Variants in RGS8 observed in about 807,000 individuals in gnomAD.
The protein encoded by RGS8 is regulator of G protein signaling 8, also known as regulator of G-protein signaling 8.
A neutral mutation model predicts 21.7 loss-of-function variants in RGS8; 8 were observed. That is an observed-to-expected ratio of 0.37 (90% CI 0.22 to 0.66). RGS8 has a LOEUF of 0.66. RGS8 is among the 30% of genes least tolerant of loss of function. RGS8 has a pLI of 0.59. For synonymous variants in RGS8, 80 were observed against 83.6 expected (o/e 0.96, Z 0.24); for missense variants, 157 against 217.9 (o/e 0.72, Z 1.76).
chr1:182,746,130 G>C, the RGS8 span, among the ~76,000 whole-genome samples: 1 of 152,040 alleles, frequency 6.6e-6, no homozygotes, highest in Admixed American at 6.6e-5. Context: ...AAAGCCCCCA[G>C]GCCATCTTAC....
chr1:182,674,772 A>G (rs1477516804), upstream of RGS8, among the ~76,000 whole-genome samples: 1 of 152,134 alleles, frequency 6.6e-6, no homozygotes, highest in African/African-American at 2.4e-5. Flanking sequence ...AGGAATGTAG[A>G]GCTCTGGGTT....
the RGS8 span, among the ~76,000 whole-genome samples, chr1:182,729,170 T>G: frequency 1.3e-5 from 2 of 152,246 alleles, no homozygotes; most frequent in Non-Finnish European, 2.9e-5. Flanking sequence ...GTATTAGAGA[T>G]ATTCTTTTCT....
chr1:182,673,548 G>C (rs191251617), upstream of RGS8, among the ~76,000 whole-genome samples: 208 of 152,240 alleles, frequency 1.4e-3, 2 homozygotes, highest in African/African-American at 4.9e-3. Flanking sequence ...CTCATTGTCT[G>C]TTGATAAGAT....
chr1:182,678,118 C>CT (rs1444853528), intron 1 of RGS8, among the ~76,000 whole-genome samples: 1 of 152,006 alleles, frequency 6.6e-6, no homozygotes, highest in African/African-American at 2.4e-5. Flanking sequence ...GATATTGAGG[C>CT]TTTTTTAAGA....
chr1:182,723,539 A>G, the RGS8 span, among the ~76,000 whole-genome samples: 15 of 152,214 alleles, frequency 9.9e-5, no homozygotes, highest in Non-Finnish European at 2.1e-4. Flanking sequence ...AAAATGGAAG[A>G]GAGTGCTTAA....
At chr1:182,647,836 T>A (rs921836582) in intron 6 of RGS8, among the ~76,000 whole-genome samples, 3 of 152,218 alleles carry the variant, frequency 2.0e-5, no homozygotes, top group Admixed American at 2.0e-4. Context: ...CTGCTTTCCA[T>A]CAGGAAAATG....
At chr1:182,724,205 T>G in the RGS8 span, among the ~76,000 whole-genome samples, 31 of 50,226 alleles carry the variant, frequency 6.2e-4, no homozygotes, top group South Asian at 1.6e-3. Flanking sequence ...AGACTGGATA[T>G]ATATATATAT....
upstream of RGS8, chr1:182,672,931 AC>A (rs1281952367): frequency 1.1e-5 from 14 of 1,322,912 alleles, no homozygotes; most frequent in Non-Finnish European, 1.5e-5. Flanking sequence ...TGTCAGCATC[AC>A]CTGAGAAGTA....
the RGS8 span, among the ~76,000 whole-genome samples, chr1:182,711,854 ATC>A: frequency 6.6e-6 from 1 of 152,100 alleles, no homozygotes. Context: ...CATCATATTA[ATC>A]TCTGTTTTCC....
At chr1:182,739,675 T>C in the RGS8 span, among the ~76,000 whole-genome samples, 1 of 152,162 alleles carries the variant, frequency 6.6e-6, no homozygotes, top group Non-Finnish European at 1.5e-5. Flanking sequence ...GATTTGTGTA[T>C]GTAGACAGTG....
At chr1:182,736,287 T>C in the RGS8 span, among the ~76,000 whole-genome samples, 4 of 152,222 alleles carry the variant, frequency 2.6e-5, no homozygotes, top group Non-Finnish European at 5.9e-5. Context: ...CAAAAAGCAA[T>C]TGCTAAAACA....
At chr1:182,691,125 C>A in the RGS8 span, among the ~76,000 whole-genome samples, 1 of 152,136 alleles carries the variant, frequency 6.6e-6, no homozygotes, top group Non-Finnish European at 1.5e-5. Context: ...GTGAGCCCAG[C>A]CAAGATTAGC....
chr1:182,751,976 G>C, the RGS8 span, among the ~76,000 whole-genome samples: 28 of 151,816 alleles, frequency 1.8e-4, no homozygotes, highest in Non-Finnish European at 3.4e-4. Flanking sequence ...CCTCACAGGC[G>C]CCGCGGTTCC....
chr1:182,657,081 G>A (rs1175017266), intron 5 of RGS8, among the ~76,000 whole-genome samples: 3 of 152,108 alleles, frequency 2.0e-5, no homozygotes, highest in African/African-American at 7.2e-5. Context: ...CAGACCACTT[G>A]TTCCCCCACC....
At chr1:182,710,879 AT>A in the RGS8 span, among the ~76,000 whole-genome samples, 1 of 152,192 alleles carries the variant, frequency 6.6e-6, no homozygotes, top group South Asian at 2.1e-4. Flanking sequence ...AGCATTTTTC[AT>A]GTTCATGGAG....
At chr1:182,744,338 T>C in the RGS8 span, among the ~76,000 whole-genome samples, 1 of 151,998 alleles carries the variant, frequency 6.6e-6, no homozygotes, top group Non-Finnish European at 1.5e-5. Context: ...TTGCCCAGGC[T>C]GGTGTTGAAC....
the RGS8 span, among the ~76,000 whole-genome samples, chr1:182,741,380 C>G: frequency 1.0e-4 from 14 of 137,094 alleles, no homozygotes; most frequent in Non-Finnish European, 1.3e-4. Flanking sequence ...CACCTCCCTC[C>G]CGGACGGGGC....
chr1:182,704,115 G>A, the RGS8 span, among the ~76,000 whole-genome samples: 5 of 152,158 alleles, frequency 3.3e-5, no homozygotes, highest in African/African-American at 1.2e-4. Context: ...AGAGCCCAGG[G>A]GGCTTTTGAT....
At chr1:182,714,624 T>C in the RGS8 span, 1 of 152,216 alleles carries the variant, frequency 6.6e-6, no homozygotes, top group Non-Finnish European at 1.5e-5. Context: ...CTGCATATGG[T>C]AGATATTCAG....
Sources: allele counts gnomAD v4.1 joint callset (sites outside exome capture counted in the v4.1 genomes callset), GRCh38; gene constraint gnomAD v4.1.1; transcripts MANE v1.5; gene names NCBI Gene and HGNC (gene_info 2026-07-23, HGNC 2026-07-21).